Variants in TIPIN observed in about 807,000 individuals in gnomAD.
TIPIN encodes the protein TIMELESS interacting protein, also known as TIMELESS-interacting protein.
TIPIN carries 29 observed loss-of-function variants against 35.6 expected under a neutral mutation model. The observed-to-expected ratio is 0.82, with a 90% CI of 0.61 to 1.11. The LOEUF (loss-of-function observed/expected upper bound fraction) is 1.11, where lower values mean the gene tolerates loss of function less well. Ranked by LOEUF, TIPIN falls within the 50% of genes most tolerant of loss-of-function variation. The pLI, the probability that TIPIN is intolerant of heterozygous loss-of-function variation, is 0.00. For synonymous variants in TIPIN, 102 were observed against 121.5 expected, an observed-to-expected ratio of 0.84 and a Z score of 1.06; for missense variants, 296 against 345.4, an observed-to-expected ratio of 0.86 and a Z score of 1.13.
intron 1 of TIPIN, among the ~76,000 whole-genome samples, chr15:66,353,437 A>T (rs553302515): frequency 1.3e-5 from 2 of 152,176 alleles, no homozygotes; most frequent in South Asian, 4.1e-4. Context: ...CTACACGGTG[A>T]AACCCCGTCT....
At chr15:66,383,607 TA>T (rs925044956) in intron 1 of TIPIN, 1 of 983,946 alleles carries the variant, frequency 1.0e-6, no homozygotes, top group African/African-American at 1.7e-5. Flanking sequence ...ACTCTGATAC[TA>T]AAAATTATGC....
chr15:66,361,063 CG>C (rs61226907), upstream of TIPIN, among the ~76,000 whole-genome samples: 151,291 of 151,300 alleles, frequency 1, 75,641 homozygotes, highest in Middle Eastern at 1. Context: ...ATCTGGGAGG[CG>C]GGAGGTTGCA....
At chr15:66,373,212 G>A (rs1014230997) in intron 1 of TIPIN, among the ~76,000 whole-genome samples, 3 of 152,122 alleles carry the variant, frequency 2.0e-5, no homozygotes, top group Non-Finnish European at 4.4e-5. Context: ...ACACAGTCAT[G>A]GCCGGGCGCA....
intron 6 of TIPIN, among the ~76,000 whole-genome samples, chr15:66,346,724 A>G (rs1215122664): frequency 6.6e-6 from 1 of 152,188 alleles, no homozygotes; most frequent in African/African-American, 2.4e-5. Flanking sequence ...TCCTTTACAT[A>G]TACCCAATCC....
intron 1 of TIPIN, among the ~76,000 whole-genome samples, chr15:66,354,848 G>C (rs2093192700): frequency 6.6e-6 from 1 of 151,950 alleles, no homozygotes; most frequent in African/African-American, 2.4e-5. Flanking sequence ...AGCATTCATA[G>C]TGTCAAGTAC....
At chr15:66,380,436 G>A (rs963774569) in intron 1 of TIPIN, among the ~76,000 whole-genome samples, 1 of 152,200 alleles carries the variant, frequency 6.6e-6, no homozygotes, top group Non-Finnish European at 1.5e-5. Context: ...ACCAAAAATA[G>A]TTGTGTCCAG....
At chr15:66,382,884 G>A (rs1273375165) in intron 1 of TIPIN, 1 of 883,314 alleles carries the variant, frequency 1.1e-6, no homozygotes. Flanking sequence ...TTGTCTGTAT[G>A]GTCAGCACTT....
upstream of TIPIN, among the ~76,000 whole-genome samples, chr15:66,359,278 T>C (rs2093221182): frequency 6.6e-6 from 1 of 152,172 alleles, no homozygotes; most frequent in South Asian, 2.1e-4. Context: ...CTTTATTTTA[T>C]GATTTTATTT....
chr15:66,340,012 G>A (rs2093073935), intron 7 of TIPIN, among the ~76,000 whole-genome samples: 1 of 150,638 alleles, frequency 6.6e-6, no homozygotes, highest in Non-Finnish European at 1.5e-5. Flanking sequence ...TGGGTTTACA[G>A]GCAGGTACAC....
At chr15:66,357,590 T>A, upstream of TIPIN, among the ~76,000 whole-genome samples, 1 of 65,448 alleles carries the variant, frequency 1.5e-5, no homozygotes, top group East Asian at 5.1e-4. Flanking sequence ...AGTGAGATCT[T>A]GTCGCAAAAA....
rs1270787667 is a variant in TIPIN at position 66,339,152 on chromosome 15, AAAAAAG to A, written c.683-1977_683-1972del. ...ATCTCAAAAAAAAAAAAAAAAAAAA[AAAAAAG>A]CAAAAAGAAAAAGTAAATTCATCTT... On this transcript the variant is annotated intron_variant, in intron 7 of 7. Transcript: ENST00000261881. Among the ~76,000 whole-genome samples, 10 of 53,370 alleles carry A rather than the reference AAAAAAG, an allele frequency of 1.9e-4. 1 individual carries two copies. Among genetic ancestry groups the A allele is most frequent in the Non-Finnish European group, 1.0e-4 (3 of 29,748 alleles). 35.0% of individuals were successfully genotyped at this position (53,370 alleles called of 152,430 possible).
At position 66,354,210 on chromosome 15, in the gene TIPIN, G is replaced by A. The variant is rs776993402; in HGVS notation, c.-8-1255C>T. 5.9e-5 allele frequency among the ~76,000 whole-genome samples: 9 copies of A among 152,218 alleles called. No homozygotes were observed. In the South Asian group the frequency reaches 1.0e-3, roughly 18 times the overall value. The stretch of plus-strand genomic sequence containing the variant: ...TCTCTACCCTAGGCCTTGACTCTGC[G>A]ATCCAGATCACTACTTCCCATTTTA... On this transcript the variant is annotated intron_variant, in intron 1 of 7. Coordinates refer to ENST00000261881, the MANE Select transcript of TIPIN (RefSeq NM_017858.3).
chr15:66,361,369 C>T (rs1356882019), upstream of TIPIN, among the ~76,000 whole-genome samples: 1 of 151,218 alleles, frequency 6.6e-6, no homozygotes, highest in Non-Finnish European at 1.5e-5. Flanking sequence ...CATTCTCCTG[C>T]CTCAGTCTCC....
rs1480435715 is a variant in TIPIN, at chr15:66,351,014, T to C, written c.288+511A>G. 4.7e-5 allele frequency among the ~76,000 whole-genome samples: 7 copies of C among 149,718 alleles called. No homozygotes were observed. In the South Asian group the frequency reaches 1.5e-3, roughly 32 times the overall value. On this transcript the variant is annotated intron_variant, in intron 4 of 7. Coordinates refer to ENST00000261881, the MANE Select transcript of TIPIN (RefSeq NM_017858.3). The stretch of plus-strand genomic sequence containing the variant: ...AAAACTACAAAACTCTCTAAAAATA[T>C]ACTATCATCTGCAAAAAATTATACC...
chr15:66,383,852 G>C (rs78878521), intron 1 of TIPIN, among the ~76,000 whole-genome samples: 1 of 151,858 alleles, frequency 6.6e-6, no homozygotes, highest in Non-Finnish European at 1.5e-5. Context: ...TTAGCTGCTC[G>C]TCATACTTTA....
At chr15:66,373,264 C>T (rs578243106) in intron 1 of TIPIN, among the ~76,000 whole-genome samples, 61 of 152,158 alleles carry the variant, frequency 4.0e-4, no homozygotes, top group African/African-American at 1.2e-3. Context: ...GAGGCTGAGG[C>T]GGGAGGATCA....
At chr15:66,361,688 G>A (rs559071645) in intron 1 of TIPIN, among the ~76,000 whole-genome samples, 31 of 152,068 alleles carry the variant, frequency 2.0e-4, no homozygotes, top group African/African-American at 5.8e-4. Flanking sequence ...CCTACAGACC[G>A]TGTCATTAAA....
chr15:66,343,217 GTAGAA>G (rs2093100468), intron 6 of TIPIN, among the ~76,000 whole-genome samples: 1 of 152,182 alleles, frequency 6.6e-6, no homozygotes, highest in Admixed American at 6.5e-5. Context: ...ATGCCTGTAG[GTAGAA>G]TAGAAGCACA....
chr15:66,353,432 C>T (rs1340817841), intron 1 of TIPIN, among the ~76,000 whole-genome samples: 1 of 151,764 alleles, frequency 6.6e-6, no homozygotes, highest in Non-Finnish European at 1.5e-5. Context: ...CCTGGCTACA[C>T]GGTGAAACCC....
Sources: allele counts gnomAD v4.1 joint callset (sites outside exome capture counted in the v4.1 genomes callset), GRCh38; gene constraint gnomAD v4.1.1; transcripts MANE v1.5; gene names NCBI Gene and HGNC (gene_info 2026-07-23, HGNC 2026-07-21).